The following TANC2 variants were observed in gnomAD, a reference collection of about 807,000 sequenced individuals.
TANC2 encodes the protein tetratricopeptide repeat, ankyrin repeat and coiled-coil containing 2.
TANC2 carries 26 observed loss-of-function variants against 210.5 expected under a neutral mutation model. The observed-to-expected ratio is 0.12, with a 90% CI of 0.09 to 0.17. The LOEUF (loss-of-function observed/expected upper bound fraction) is 0.17, where lower values mean the gene tolerates loss of function less well. Among genes scored for constraint, TANC2 ranks in the 10% least tolerant of loss-of-function variants. The pLI is 1.00. For synonymous variants in TANC2, 931 were observed against 967.1 expected (o/e 0.96, Z 0.69); for missense variants, 2,129 against 2,608.9 (o/e 0.82, Z 4.01).
intron 2 of TANC2, among the ~76,000 whole-genome samples, chr17:63,027,854 A>T (rs571473272): frequency 7.2e-5 from 11 of 152,240 alleles, no homozygotes; most frequent in Non-Finnish European, 1.6e-4. Flanking sequence ...TTTATTCCTT[A>T]CGTTAAAGAA....
intron 3 of TANC2, among the ~76,000 whole-genome samples, chr17:63,084,521 T>C (rs536122526): frequency 5.3e-5 from 8 of 152,010 alleles, no homozygotes; most frequent in African/African-American, 1.7e-4. Context: ...GTTTTTATTA[T>C]TTCTTTTCTT....
intron 8 of TANC2, among the ~76,000 whole-genome samples, chr17:63,251,763 A>G (rs191606792): frequency 2.0e-5 from 3 of 152,138 alleles, no homozygotes; most frequent in Admixed American, 2.0e-4. Context: ...TTGTACTTCT[A>G]TTTGGATTTT....
intron 5 of TANC2, among the ~76,000 whole-genome samples, chr17:63,156,975 G>A (rs1215762575): frequency 6.6e-6 from 1 of 152,156 alleles, no homozygotes; most frequent in Non-Finnish European, 1.5e-5. Flanking sequence ...GAGATTATAG[G>A]CGTGAGCCAC....
intron 1 of TANC2, among the ~76,000 whole-genome samples, chr17:62,981,180 C>T (rs1320008925): frequency 1.3e-5 from 2 of 152,178 alleles, no homozygotes; most frequent in Non-Finnish European, 2.9e-5. Context: ...ATATCTTTCC[C>T]TTGCATTCAC....
At chr17:63,157,677 G>A (rs923284250) in intron 5 of TANC2, among the ~76,000 whole-genome samples, 2 of 151,686 alleles carry the variant, frequency 1.3e-5, no homozygotes, top group East Asian at 3.9e-4. Flanking sequence ...GTAAAGATAC[G>A]ACATATTAAA....
intron 4 of TANC2, among the ~76,000 whole-genome samples, chr17:63,141,842 T>C (rs1250430946): frequency 2.0e-5 from 3 of 152,170 alleles, no homozygotes; most frequent in African/African-American, 4.8e-5. Flanking sequence ...CCAAATAAGA[T>C]CAGAGCAAAA....
At chr17:63,025,612 G>A (rs1206115402) in intron 2 of TANC2, among the ~76,000 whole-genome samples, 6 of 151,690 alleles carry the variant, frequency 4.0e-5, no homozygotes, top group African/African-American at 1.2e-4. Flanking sequence ...CCTGGGCGAC[G>A]TGGCGAAACT....
At chr17:63,298,551 A>G (rs2044608708) in intron 9 of TANC2, among the ~76,000 whole-genome samples, 1 of 152,202 alleles carries the variant, frequency 6.6e-6, no homozygotes, top group African/African-American at 2.4e-5. Flanking sequence ...ATAACTCTTT[A>G]GTAATATAGG....
chr17:63,340,629 G>A (rs899292591), intron 12 of TANC2, among the ~76,000 whole-genome samples: 2 of 152,100 alleles, frequency 1.3e-5, no homozygotes, highest in African/African-American at 4.8e-5. Flanking sequence ...GTTTAAATAA[G>A]TCAGTAAATT....
At chr17:63,275,431 A>AT (rs1165920912) in intron 9 of TANC2, among the ~76,000 whole-genome samples, 1 of 152,152 alleles carries the variant, frequency 6.6e-6, no homozygotes, top group African/African-American at 2.4e-5. Flanking sequence ...AATAAATTTA[A>AT]TTTTTATCAA....
intron 8 of TANC2, among the ~76,000 whole-genome samples, chr17:63,260,875 G>A (rs527242424): frequency 1.3e-5 from 2 of 151,998 alleles, no homozygotes; most frequent in Non-Finnish European, 2.9e-5. Context: ...TATCATTTAG[G>A]GGCCAGTCAG....
At chr17:63,165,544 C>T (rs1288180751) in intron 5 of TANC2, among the ~76,000 whole-genome samples, 1 of 152,178 alleles carries the variant, frequency 6.6e-6, no homozygotes, top group African/African-American at 2.4e-5. Flanking sequence ...CCGGTCTGTA[C>T]TGCTACACTG....
intron 1 of TANC2, among the ~76,000 whole-genome samples, chr17:62,968,029 A>G (rs2031461923): frequency 6.6e-6 from 1 of 152,170 alleles, no homozygotes; most frequent in Non-Finnish European, 1.5e-5. Context: ...ATATAGATAT[A>G]TGTGCATGTA....
At chr17:63,275,683 A>C (rs1353948361) in intron 9 of TANC2, among the ~76,000 whole-genome samples, 1 of 152,104 alleles carries the variant, frequency 6.6e-6, no homozygotes, top group Non-Finnish European at 1.5e-5. Context: ...AGTAAGATTA[A>C]ATTTTCTTAA....
chr17:63,345,074 A>G (rs1408495506), intron 12 of TANC2, among the ~76,000 whole-genome samples: 1 of 152,012 alleles, frequency 6.6e-6, no homozygotes, highest in African/African-American at 2.4e-5. Flanking sequence ...CCAACTTCCA[A>G]CCCCCAGCCC....
At chr17:63,176,592 TCAG>T (rs2145613527) in intron 5 of TANC2, among the ~76,000 whole-genome samples, 1 of 151,128 alleles carries the variant, frequency 6.6e-6, no homozygotes, top group African/African-American at 2.4e-5. Flanking sequence ...GATCACAAGG[TCAG>T]AAGATCGAGA....
At position 63,260,753 on chromosome 17, in the gene TANC2, C is replaced by A. The variant is rs1254841513; in HGVS notation, c.1034-6995C>A. On this transcript the variant is annotated intron_variant, in intron 8 of 27. Coordinates refer to ENST00000689528, the Ensembl canonical transcript of TANC2. ...CTCTAGCCTGGGTGACAAAATGAGA[C>A]CCTGTCTCAAAAAAAAAAAAAAATT... 2.7e-5 allele frequency among the ~76,000 whole-genome samples: 4 copies of A among 150,810 alleles called. No individual in the cohort carries two copies. In the East Asian group the frequency reaches 5.8e-4, roughly 22 times the overall value.
At chr17:63,040,106 T>C (rs144547217) in intron 2 of TANC2, among the ~76,000 whole-genome samples, 1 of 152,308 alleles carries the variant, frequency 6.6e-6, no homozygotes, top group Non-Finnish European at 1.5e-5. Context: ...GGAAAATCAG[T>C]AGAATGAACC....
At chr17:63,374,394 T>C (rs954927692) in intron 14 of TANC2, among the ~76,000 whole-genome samples, 14 of 152,190 alleles carry the variant, frequency 9.2e-5, no homozygotes, top group African/African-American at 3.4e-4. Context: ...TCATCCATTC[T>C]GCAAATATAT....
Sources: gnomAD v4.1 joint callset for allele counts (sites outside exome capture counted in the v4.1 genomes callset) on GRCh38, gnomAD v4.1.1 for gene constraint, MANE v1.5 for transcripts, NCBI Gene and HGNC (gene_info 2026-07-23, HGNC 2026-07-21) for gene names.